The following PM20D2 variants were observed in gnomAD, a reference collection of about 807,000 sequenced individuals.
PM20D2 encodes the protein xaa-Arg dipeptidase.
PM20D2 carries 33 observed loss-of-function variants against 42.9 expected under a neutral mutation model. That is an observed-to-expected ratio of 0.77 (90% confidence interval 0.58 to 1.03). PM20D2 has a LOEUF of 1.03. PM20D2 is among the 50% of genes least tolerant of loss of function. The pLI is 0.00. For synonymous variants in PM20D2, 250 were observed against 228.2 expected (o/e 1.10, Z -0.86); for missense variants, 548 against 557.0 (o/e 0.98, Z 0.16).
the PM20D2 span, among the ~76,000 whole-genome samples, chr6:89,124,736 G>GTTGT: frequency 3.0e-4 from 33 of 108,436 alleles, no homozygotes; most frequent in African/African-American, 1.1e-3. Context: ...TGCTGTTGTT[G>GTTGT]TTTTTTTTTT....
the PM20D2 span, among the ~76,000 whole-genome samples, chr6:89,094,507 G>A: frequency 2.0e-5 from 3 of 152,048 alleles, no homozygotes; most frequent in Non-Finnish European, 4.4e-5. Context: ...TTACAGGCAC[G>A]AGCCACTGCA....
At chr6:89,157,994 G>A (rs928314746) in intron 4 of PM20D2, among the ~76,000 whole-genome samples, 2 of 152,214 alleles carry the variant, frequency 1.3e-5, no homozygotes, top group South Asian at 4.2e-4. Flanking sequence ...GCAACAGAGT[G>A]AGACTCCATC....
the PM20D2 span, among the ~76,000 whole-genome samples, chr6:89,125,688 C>T: frequency 9.9e-5 from 15 of 151,664 alleles, no homozygotes; most frequent in Non-Finnish European, 5.9e-5. Context: ...GAGGCTGAGG[C>T]AGGAGAGTCT....
chr6:89,135,218 AATTTTTGATCAC>A, the PM20D2 span, among the ~76,000 whole-genome samples: 2 of 151,320 alleles, frequency 1.3e-5, no homozygotes, highest in African/African-American at 4.9e-5. Context: ...TTTACTTCAT[AATTTTTGATCAC>A]CTCTTCATAA....
the PM20D2 span, among the ~76,000 whole-genome samples, chr6:89,099,558 G>A: frequency 4.4e-5 from 6 of 136,146 alleles, no homozygotes; most frequent in East Asian, 2.1e-4. Context: ...TTTTTGAGAC[G>A]GAGTTTCGCT....
chr6:89,107,322 G>A, the PM20D2 span: 1 of 1,301,672 alleles, frequency 7.7e-7, no homozygotes, highest in Non-Finnish European at 1.1e-6. Context: ...TTTGCCTACA[G>A]AAATCCACTT....
chr6:89,113,153 G>A, the PM20D2 span, among the ~76,000 whole-genome samples: 1 of 152,040 alleles, frequency 6.6e-6, no homozygotes, highest in African/African-American at 2.4e-5. Context: ...TTTTACATAT[G>A]TTTTATTTAA....
chr6:89,098,916 A>G, the PM20D2 span: 12 of 1,613,760 alleles, frequency 7.4e-6, no homozygotes, highest in Admixed American at 1.8e-4. Context: ...CGAGATTTAG[A>G]CTGGCTATAA....
the PM20D2 span, among the ~76,000 whole-genome samples, chr6:89,129,333 TTG>T: frequency 5.9e-5 from 9 of 152,056 alleles, no homozygotes; most frequent in Non-Finnish European, 1.3e-4. Flanking sequence ...CCCAAGCACA[TTG>T]TGTTGAGCAA....
chr6:89,098,071 G>C, the PM20D2 span: 1 of 152,648 alleles, frequency 6.6e-6, no homozygotes, highest in East Asian at 1.9e-4. Context: ...TCTACTTTTT[G>C]GAACATCAGA....
chr6:89,099,552 T>TTTTA, the PM20D2 span, among the ~76,000 whole-genome samples: 1 of 150,402 alleles, frequency 6.6e-6, no homozygotes. Flanking sequence ...TTTTTTTTTT[T>TTTTA]GAGACGGAGT....
chr6:89,154,320 A>G (rs1486009814), intron 3 of PM20D2, among the ~76,000 whole-genome samples: 11 of 152,118 alleles, frequency 7.2e-5, no homozygotes, highest in Admixed American at 7.2e-4. Context: ...TATTTTTCCT[A>G]TAGCTAAATG....
the PM20D2 span, among the ~76,000 whole-genome samples, chr6:89,136,044 C>A: frequency 6.6e-6 from 1 of 151,130 alleles, no homozygotes; most frequent in African/African-American, 2.5e-5. Flanking sequence ...CTGCTGGATG[C>A]CATTTCTGCA....
chr6:89,107,128 C>T, the PM20D2 span: 2 of 1,584,166 alleles, frequency 1.3e-6, no homozygotes, highest in Non-Finnish European at 1.7e-6. Flanking sequence ...AGTATATTCA[C>T]ATGCACACAA....
the PM20D2 span, among the ~76,000 whole-genome samples, chr6:89,110,614 G>T: frequency 6.6e-6 from 1 of 152,128 alleles, no homozygotes; most frequent in Non-Finnish European, 1.5e-5. Flanking sequence ...TTTGTTACTT[G>T]GGTGTAGAGA....
rs1415431306 is a variant in PM20D2 at position 89,165,143 on chromosome 6, T to C, written c.*2880T>C. 1 of 150,436 alleles carries C rather than the reference T, an allele frequency of 6.6e-6. No individual in the cohort carries two copies. Among genetic ancestry groups the C allele is most frequent in the Non-Finnish European group, 1.5e-5 (1 of 67,516 alleles). The allele number at this position is 150,436 out of a possible 1,614,324, so 9.3% of individuals were successfully genotyped here. A position where few individuals can be genotyped will look rare whatever the true frequency, so the allele number is the denominator to read the frequency against. The stretch of plus-strand genomic sequence containing the variant: ...AACAAAAGAAATTGATACAATAAGT[T>C]TTTTTTTTTAAGGATGATTGTCTAA... On this transcript the variant is annotated 3_prime_UTR_variant, in exon 7 of 7. Coordinates refer to ENST00000275072, the MANE Select transcript of PM20D2 (RefSeq NM_001010853.3).
chr6:89,106,514 A>C, the PM20D2 span, among the ~76,000 whole-genome samples: 5 of 152,330 alleles, frequency 3.3e-5, no homozygotes, highest in Admixed American at 3.3e-4. Flanking sequence ...ATATCCCACT[A>C]AACTTCCTTA....
rs1771314971 is a variant in PM20D2, at chr6:89,163,511, T to C, written c.*1248T>C. On this transcript the variant is annotated 3_prime_UTR_variant, in exon 7 of 7. Coordinates refer to ENST00000275072, the MANE Select transcript of PM20D2 (RefSeq NM_001010853.3). ...TTGTTTGGTTTTTTAATGGGCAGGT[T>C]CTTGCTCTCCCAGGCTGGAGTGCAG... The C allele has an allele frequency of 1.3e-5, 2 of 152,098 alleles. No homozygotes were observed. The highest frequency in any genetic ancestry group is 4.8e-5 in the African/African-American group (2 of 41,476). The allele number at this position is 152,098 out of a possible 1,614,324, so 9.4% of individuals were successfully genotyped here. A position where few individuals can be genotyped will look rare whatever the true frequency, so the allele number is the denominator to read the frequency against.
chr6:89,107,831 T>C, the PM20D2 span, among the ~76,000 whole-genome samples: 1 of 152,168 alleles, frequency 6.6e-6, no homozygotes, highest in African/African-American at 2.4e-5. Flanking sequence ...AGGCTGGAAA[T>C]CTGTATCTTT....
Sources: gnomAD v4.1 joint callset for allele counts (sites outside exome capture counted in the v4.1 genomes callset) on GRCh38, gnomAD v4.1.1 for gene constraint, MANE v1.5 for transcripts, NCBI Gene and HGNC (gene_info 2026-07-23, HGNC 2026-07-21) for gene names.